The following SYT2 variants were observed in gnomAD, a reference collection of about 807,000 sequenced individuals.
The protein encoded by SYT2 is synaptotagmin 2, also known as synaptotagmin-2.
A neutral mutation model predicts 39.9 loss-of-function variants in SYT2; 15 were observed. The observed-to-expected ratio is 0.38, with a 90% CI of 0.25 to 0.58. The LOEUF is 0.58. Among genes scored for constraint, SYT2 ranks in the 20% least tolerant of loss-of-function variants. SYT2 has a pLI of 0.70. For synonymous variants in SYT2, 181 were observed against 204.5 expected, an observed-to-expected ratio of 0.89 and a Z score of 0.98; for missense variants, 389 against 530.3, an observed-to-expected ratio of 0.73 and a Z score of 2.62.
intron 1 of SYT2, among the ~76,000 whole-genome samples, chr1:202,709,866 C>G (rs1455943824): frequency 6.6e-6 from 1 of 152,124 alleles, no homozygotes; most frequent in Non-Finnish European, 1.5e-5. Context: ...ACCGCTAGGG[C>G]TGGCGGGGGC....
chr1:202,604,271 GC>G (rs200815646), intron 3 of SYT2, 183 bp downstream of exon 3: 34 of 630,268 alleles, frequency 5.4e-5, no homozygotes, highest in East Asian at 2.3e-4. Context: ...CAGGAATAAG[GC>G]CCCCCCCTCC....
At chr1:202,609,576 G>A (rs1189094651) in intron 1 of SYT2, among the ~76,000 whole-genome samples, 27 of 152,228 alleles carry the variant, frequency 1.8e-4, no homozygotes, top group African/African-American at 5.5e-4. Flanking sequence ...TTTAATGATC[G>A]CCATTCTAAC....
At chr1:202,709,131 G>A (rs1228227619) in intron 1 of SYT2, among the ~76,000 whole-genome samples, 2 of 152,142 alleles carry the variant, frequency 1.3e-5, no homozygotes, top group African/African-American at 4.8e-5. Flanking sequence ...CTCCTTATAA[G>A]CTAACTCAAC....
Position 202,639,183 on chromosome 1 carries a change from T to C in SYT2, c.-17-33394A>G, listed in dbSNP as rs139292263. On this transcript the variant is annotated intron_variant, in intron 1 of 8. Coordinates refer to ENST00000367268, the MANE Select transcript of SYT2 (RefSeq NM_177402.5). ...ACCGGGTCACCTTATGCTAGTTCTT[T>C]AATTTTCTTGGGCTTCCGTGTTCTA... Among the ~76,000 whole-genome samples the C allele has an allele frequency of 6.6e-4, 100 of 152,306 alleles. No homozygotes were observed. The East Asian group carries it at 0.018, about 28-fold the overall frequency.
At chr1:202,606,969 A>G (rs1690727479) in intron 1 of SYT2, among the ~76,000 whole-genome samples, 1 of 152,094 alleles carries the variant, frequency 6.6e-6, no homozygotes, top group South Asian at 2.1e-4. Flanking sequence ...ATAGCTACAT[A>G]ATATCCTACT....
chr1:202,605,485 A>G, intron 2 of SYT2, 110 bp downstream of exon 2: 2 of 1,053,648 alleles, frequency 1.9e-6, no homozygotes, highest in Non-Finnish European at 2.7e-6. Context: ...CCTGAAATCT[A>G]AGCATTAGGA....
intron 1 of SYT2, among the ~76,000 whole-genome samples, chr1:202,707,670 C>T (rs1299954565): frequency 1.3e-5 from 2 of 152,260 alleles, no homozygotes; most frequent in Admixed American, 6.5e-5. Flanking sequence ...TGTCCCCCTG[C>T]TTCCAGTGCA....
chr1:202,627,392 G>GC, intron 1 of SYT2: 3 of 967,172 alleles, frequency 3.1e-6, no homozygotes, highest in Non-Finnish European at 3.7e-6. Context: ...CCCAACTCTG[G>GC]CAACCTCCGT....
intron 1 of SYT2, among the ~76,000 whole-genome samples, chr1:202,670,508 T>G (rs1487790524): frequency 6.6e-6 from 1 of 152,156 alleles, no homozygotes; most frequent in African/African-American, 2.4e-5. Context: ...CTTCCTTCAG[T>G]CATTAAATGT....
rs1043281179 is a variant in SYT2 at position 202,652,995 on chromosome 1, G to T, written c.-17-47206C>A. On this transcript the variant is annotated intron_variant, in intron 1 of 8. Coordinates refer to ENST00000367268, the MANE Select transcript of SYT2 (RefSeq NM_177402.5). ...AGAGTTTGGATTTCCTCCTAACCTA[G>T]CCTTGCCTGCAAGTCCCCCAGCTCT... Among the ~76,000 whole-genome samples, 27 of 122,084 alleles carry T rather than the reference G, an allele frequency of 2.2e-4. No individual in the cohort carries two copies. In the Admixed American group the frequency reaches 2.6e-3, roughly 12 times the overall value. 80.1% of individuals were successfully genotyped at this position (122,084 alleles called of 152,430 possible).
chr1:202,616,801 C>T lies in SYT2; in HGVS notation c.-17-11012G>A, dbSNP rs143904051. ...GTCCTTCCCTTCTCAGCCATGGTGT[C>T]TCCCTGCGTGGTTCCTTCTGCACCC... On this transcript the variant is annotated intron_variant, in intron 1 of 8. Coordinates refer to ENST00000367268, the MANE Select transcript of SYT2 (RefSeq NM_177402.5). 6.5e-3 allele frequency among the ~76,000 whole-genome samples: 985 copies of T among 152,330 alleles called. 3 individuals carry two copies. The highest frequency in any genetic ancestry group is 0.01 in the Middle Eastern group (3 of 294).
At chr1:202,625,882 G>A (rs1301521521) in intron 1 of SYT2, among the ~76,000 whole-genome samples, 2 of 152,216 alleles carry the variant, frequency 1.3e-5, no homozygotes, top group African/African-American at 2.4e-5. Flanking sequence ...AGGCCCAGCT[G>A]AAATGGGTGA....
chr1:202,650,789 C>T (rs945620586), intron 1 of SYT2, among the ~76,000 whole-genome samples: 5 of 152,134 alleles, frequency 3.3e-5, no homozygotes, highest in African/African-American at 1.2e-4. Context: ...AGCCGGAGCC[C>T]TTGGAGCCTC....
At chr1:202,637,848 T>C (rs1691782977) in intron 1 of SYT2, among the ~76,000 whole-genome samples, 2 of 152,236 alleles carry the variant, frequency 1.3e-5, no homozygotes, top group South Asian at 4.1e-4. Flanking sequence ...ATTTGGTGGC[T>C]GCGGGACCAG....
chr1:202,659,868 G>C (rs1440784827), intron 1 of SYT2, among the ~76,000 whole-genome samples: 4 of 152,170 alleles, frequency 2.6e-5, no homozygotes, highest in Non-Finnish European at 4.4e-5. Context: ...TGGGGGTGAG[G>C]GGTGGGGAGC....
chr1:202,612,013 G>A (rs1690895356), intron 1 of SYT2, among the ~76,000 whole-genome samples: 2 of 152,058 alleles, frequency 1.3e-5, no homozygotes, highest in Non-Finnish European at 2.9e-5. Flanking sequence ...ATTACATCTG[G>A]CTAATTTTTA....
chr1:202,639,134 G>T (rs1691830563), intron 1 of SYT2, among the ~76,000 whole-genome samples: 1 of 152,188 alleles, frequency 6.6e-6, no homozygotes, highest in African/African-American at 2.4e-5. Context: ...AGAGAGCTCA[G>T]GCCTGGGAAT....
At chr1:202,687,760 G>A (rs1653709643) in intron 1 of SYT2, among the ~76,000 whole-genome samples, 1 of 151,942 alleles carries the variant, frequency 6.6e-6, no homozygotes, top group Non-Finnish European at 1.5e-5. Flanking sequence ...GGGGATCAAG[G>A]ATTCTGCAAA....
intron 1 of SYT2, among the ~76,000 whole-genome samples, chr1:202,638,546 G>T (rs2149095201): frequency 6.6e-6 from 1 of 152,332 alleles, no homozygotes; most frequent in East Asian, 1.9e-4. Flanking sequence ...AGCTGGGGAG[G>T]TGTCAGCTCC....
Sources: allele counts gnomAD v4.1 joint callset (sites outside exome capture counted in the v4.1 genomes callset), GRCh38; gene constraint gnomAD v4.1.1; transcripts MANE v1.5; gene names NCBI Gene and HGNC (gene_info 2026-07-23, HGNC 2026-07-21).